Variants in CDH4 observed in about 807,000 individuals in gnomAD.
CDH4 encodes cadherin 4.
A neutral mutation model predicts 86.0 loss-of-function variants in CDH4; 33 were observed. The ratio of observed to expected loss-of-function variants is 0.38; its 90% CI spans 0.29 to 0.51. CDH4 has a LOEUF of 0.51. Ranked by LOEUF, CDH4 falls within the 20% of genes least tolerant of loss-of-function variation. CDH4 has a pLI of 0.86. For missense variants in CDH4, 1,114 were observed against 1,307.4 expected (o/e 0.85, Z 2.28); for synonymous variants, 555 against 549.4 (o/e 1.01, Z -0.14).
At chr20:61,320,863 G>T (rs76713232) in intron 2 of CDH4, among the ~76,000 whole-genome samples, 1 of 152,046 alleles carries the variant, frequency 6.6e-6, no homozygotes, top group Admixed American at 6.5e-5. Flanking sequence ...GGAGGGGTGG[G>T]CAGGGCTGTG....
chr20:61,926,461 G>GGCGGTGTA (rs1222000943), intron 11 of CDH4, among the ~76,000 whole-genome samples: 1 of 152,230 alleles, frequency 6.6e-6, no homozygotes, highest in Non-Finnish European at 1.5e-5. Context: ...ACAGAGCCCG[G>GGCGGTGTA]GCTGTGTAGC....
At chr20:61,506,268 A>C (rs1450650865) in intron 2 of CDH4, among the ~76,000 whole-genome samples, 3 of 152,226 alleles carry the variant, frequency 2.0e-5, no homozygotes, top group Non-Finnish European at 4.4e-5. Context: ...AACTCTAGAC[A>C]ATTCTCTGTC....
At position 61,427,764 on chromosome 20, in the gene CDH4, C is replaced by T. The variant is rs190292332; in HGVS notation, c.169+172827C>T. On this transcript the variant is annotated intron_variant, in intron 2 of 15. Transcript: ENST00000614565. ...TTTGTCTCTGTGCAAGCAGTTGTCTCCCCACCCTTCCCTCACTGCAGGCAG... is the reference window on the plus strand; with the variant it reads ...TTTGTCTCTGTGCAAGCAGTTGTCTTCCCACCCTTCCCTCACTGCAGGCAG... Among the ~76,000 whole-genome samples the T allele has an allele frequency of 2.0e-5, 3 of 152,076 alleles. No individual in the cohort carries two copies. In the East Asian group the frequency reaches 5.8e-4, roughly 30 times the overall value.
intron 2 of CDH4, among the ~76,000 whole-genome samples, chr20:61,560,116 G>C (rs2086205803): frequency 6.6e-6 from 1 of 152,080 alleles, no homozygotes; most frequent in African/African-American, 2.4e-5. Flanking sequence ...CTGCTTATCT[G>C]GTCGGCGGAG....
At chr20:61,548,504 A>C (rs1003912216) in intron 2 of CDH4, among the ~76,000 whole-genome samples, 2 of 152,084 alleles carry the variant, frequency 1.3e-5, no homozygotes, top group Admixed American at 6.6e-5. Context: ...CGAATATTTT[A>C]AAATTTAATA....
intron 4 of CDH4, among the ~76,000 whole-genome samples, chr20:61,785,885 G>A (rs371636282): frequency 8.5e-5 from 13 of 152,206 alleles, no homozygotes; most frequent in African/African-American, 3.1e-4. Context: ...GCGTGCGAGC[G>A]AGTGGAGAAT....
intron 3 of CDH4, 56 bp downstream of exon 3, chr20:61,743,845 C>A (rs1442854582): frequency 1.0e-5 from 14 of 1,334,564 alleles, no homozygotes; most frequent in Non-Finnish European, 1.5e-5. Context: ...GTTCCTCCTG[C>A]AGGCCCTGGG....
At chr20:61,593,177 A>T (rs2086530461) in intron 2 of CDH4, among the ~76,000 whole-genome samples, 1 of 152,216 alleles carries the variant, frequency 6.6e-6, no homozygotes, top group African/African-American at 2.4e-5. Flanking sequence ...AGACTAGGGT[A>T]ATTTGTTACA....
At position 61,775,496 on chromosome 20, in the gene CDH4, C is replaced by T. The variant is rs372153599; in HGVS notation, c.576+2314C>T. On this transcript the variant is annotated intron_variant, in intron 4 of 15. Coordinates refer to ENST00000614565, the MANE Select transcript of CDH4 (RefSeq NM_001794.5). ...GGCATTGTGACCATACAGCTTCTGTCGCTGTGGTGTGAAAGCAGTCTCAGG... is the reference window on the plus strand; with the variant it reads ...GGCATTGTGACCATACAGCTTCTGTTGCTGTGGTGTGAAAGCAGTCTCAGG... Among the ~76,000 whole-genome samples, 40 of 152,334 alleles carry T rather than the reference C, an allele frequency of 2.6e-4. 2 individuals are homozygous for T. In the South Asian group the frequency reaches 8.1e-3, roughly 31 times the overall value.
intron 2 of CDH4, among the ~76,000 whole-genome samples, chr20:61,310,149 C>T (rs567267586): frequency 4.5e-4 from 68 of 152,232 alleles, no homozygotes; most frequent in African/African-American, 1.5e-3. Context: ...TGGAACCAGC[C>T]CAGAGCCAGC....
intron 2 of CDH4, among the ~76,000 whole-genome samples, chr20:61,580,006 C>T (rs1295433361): frequency 2.0e-5 from 3 of 152,032 alleles, no homozygotes; most frequent in African/African-American, 2.4e-5. Context: ...GCACCTTCCC[C>T]GCCAGTCACA....
chr20:61,858,523 CTGTGTGTCTGCGTCTGTG>C (rs1312005957), intron 6 of CDH4, among the ~76,000 whole-genome samples: 1 of 151,154 alleles, frequency 6.6e-6, no homozygotes, highest in Non-Finnish European at 1.5e-5. Flanking sequence ...GTATCTGTGT[CTGTGTGTCTGCGTCTGTG>C]TGTGTGTCTG....
At chr20:61,508,986 C>G (rs983578235) in intron 2 of CDH4, among the ~76,000 whole-genome samples, 4 of 152,122 alleles carry the variant, frequency 2.6e-5, no homozygotes, top group Non-Finnish European at 5.9e-5. Context: ...CCAGGCCTCG[C>G]CCAGTGGTAC....
At chr20:61,761,009 T>A (rs992474377) in intron 3 of CDH4, among the ~76,000 whole-genome samples, 1 of 152,206 alleles carries the variant, frequency 6.6e-6, no homozygotes, top group Admixed American at 6.5e-5. Context: ...TTAGCTACCA[T>A]GGAAACCAGC....
rs776030398 is a variant in CDH4 at position 61,681,440 on chromosome 20, C to T, written c.170-62123C>T. Reference sequence around the variant, plus strand: ...ATCCTTGGAACTTTATAACTGTGTGCGTATTTCAAGGGATCTGTTGGCTTC... The same window carrying T: ...ATCCTTGGAACTTTATAACTGTGTGTGTATTTCAAGGGATCTGTTGGCTTC... On this transcript the variant is annotated intron_variant, in intron 2 of 15. Coordinates refer to ENST00000614565, the MANE Select transcript of CDH4 (RefSeq NM_001794.5). The surrounding 1 kb of genome is among the most constrained non-coding windows in gnomAD (Gnocchi z 4.5). 2.2e-4 allele frequency among the ~76,000 whole-genome samples: 34 copies of T among 152,208 alleles called. No individual in the cohort carries two copies. The highest frequency in any genetic ancestry group is 3.8e-4 in the Non-Finnish European group (26 of 68,014).
At chr20:61,483,959 A>G (rs904066545) in intron 2 of CDH4, among the ~76,000 whole-genome samples, 8 of 152,142 alleles carry the variant, frequency 5.3e-5, no homozygotes, top group Admixed American at 5.2e-4. Flanking sequence ...TGATATACTC[A>G]TCACCTCATG....
rs115435324 is a variant in CDH4 at position 61,886,328 on chromosome 20, C to T, written c.1051-8582C>T. ...AGCTTTGATGCCTTTCTAGGGCAGG[C>T]TGGCCGCCTGCATTATTGATGGCTG... On this transcript the variant is annotated intron_variant, in intron 7 of 15. Coordinates refer to ENST00000614565, the MANE Select transcript of CDH4 (RefSeq NM_001794.5). Among the ~76,000 whole-genome samples the T allele has an allele frequency of 3.2e-3, 493 of 152,354 alleles. 5 individuals are homozygous for T. Among genetic ancestry groups the T allele is most frequent in the African/African-American group, 0.011 (471 of 41,580 alleles).
At chr20:61,379,969 T>C (rs180984397) in intron 2 of CDH4, among the ~76,000 whole-genome samples, 162 of 150,438 alleles carry the variant, frequency 1.1e-3, no homozygotes, top group Non-Finnish European at 1.8e-3. Flanking sequence ...AAGGATTGTG[T>C]AGATAATTTT....
rs138850365 is a variant in CDH4 at position 61,871,460 on chromosome 20, G to A, written c.878-2268G>A. 4.0e-3 allele frequency among the ~76,000 whole-genome samples: 612 copies of A among 152,282 alleles called. 4 individuals are homozygous for A. Among genetic ancestry groups the A allele is most frequent in the African/African-American group, 0.014 (583 of 41,566 alleles). On this transcript the variant is annotated intron_variant, in intron 6 of 15. Transcript: ENST00000614565. ...TTCTTTTTGCTGCTAAGTAGGGGAC[G>A]CTAACAATCACAGAGAACCTCAGCC...
Sources: gnomAD v4.1 joint callset for allele counts (sites outside exome capture counted in the v4.1 genomes callset) on GRCh38, gnomAD v4.1.1 for gene constraint, Gnocchi (gnomAD v3.1) non-coding constraint, MANE v1.5 for transcripts, NCBI Gene and HGNC (gene_info 2026-07-23, HGNC 2026-07-21) for gene names.